Variants in HCLS1 observed in about 807,000 individuals in gnomAD.
HCLS1 encodes the protein hematopoietic cell-specific Lyn substrate 1, also known as hematopoietic lineage cell-specific protein.
A neutral mutation model predicts 68.6 loss-of-function variants in HCLS1; 44 were observed. The observed-to-expected ratio is 0.64, with a 90% CI of 0.50 to 0.82. The LOEUF (loss-of-function observed/expected upper bound fraction) is 0.82, where lower values mean the gene tolerates loss of function less well. Ranked by LOEUF, HCLS1 falls within the 40% of genes least tolerant of loss-of-function variation. The probability of loss-of-function intolerance (pLI) is 0.00; values close to 1 mark genes in which losing one functional copy is unlikely to be tolerated. For synonymous variants in HCLS1, 217 were observed against 225.8 expected (o/e 0.96, Z 0.35); for missense variants, 602 against 612.1 (o/e 0.98, Z 0.17).
intron 6 of HCLS1, among the ~76,000 whole-genome samples, chr3:121,642,224 C>A (rs1054348348): frequency 6.7e-6 from 1 of 150,004 alleles, no homozygotes; most frequent in East Asian, 2.0e-4. Flanking sequence ...CTTTGGGAGG[C>A]CGAGTCGGGT....
At chr3:121,641,850 G>A (rs1436714094) in intron 6 of HCLS1, among the ~76,000 whole-genome samples, 1 of 152,080 alleles carries the variant, frequency 6.6e-6, no homozygotes, top group Non-Finnish European at 1.5e-5. Context: ...GGGAAGCCGA[G>A]GCAGGCAGAT....
At position 121,642,820 on chromosome 3, in the gene HCLS1, T is replaced by C. The variant is rs2049213137; in HGVS notation, c.454+107A>G. On this transcript the variant is annotated intron_variant, in intron 6 of 13. Transcript: ENST00000314583. ...AAAAGTAAATAAAATAGTGGTGCGC[T>C]GGGTCATGGAAGTTAAAAAGCTGAT... is the stretch of plus-strand genomic sequence containing the variant. 6 of 863,970 alleles carry C rather than the reference T, an allele frequency of 6.9e-6. No individual in the cohort carries two copies. The Admixed American group carries it at 8.7e-5, about 13-fold the overall frequency. 53.5% of individuals were successfully genotyped at this position (863,970 alleles called of 1,614,324 possible).
intron 6 of HCLS1, among the ~76,000 whole-genome samples, chr3:121,640,588 G>A (rs1282489037): frequency 6.6e-6 from 1 of 151,678 alleles, no homozygotes; most frequent in Non-Finnish European, 1.5e-5. Context: ...AATGTCTTAT[G>A]GAAAATGAAT....
chr3:121,656,955 T>G (rs9859243), intron 3 of HCLS1: 53,269 of 235,008 alleles, frequency 0.23, 6,376 homozygotes, highest in East Asian at 0.34. Context: ...TAGTATTTGG[T>G]CCACTTCCTC....
intron 6 of HCLS1, among the ~76,000 whole-genome samples, chr3:121,642,111 T>C (rs1435713373): frequency 6.8e-6 from 1 of 146,722 alleles, no homozygotes; most frequent in African/African-American, 2.5e-5. Context: ...TGATCAATAT[T>C]ATAGAAAGCG....
chr3:121,636,617 A>G (rs2108858136), intron 7 of HCLS1, 128 bp from the exon 8 acceptor site: 1 of 742,686 alleles, frequency 1.3e-6, no homozygotes. Context: ...ATCAGAGGAT[A>G]GAGGGAGGCA....
intron 3 of HCLS1, among the ~76,000 whole-genome samples, chr3:121,649,070 G>C (rs1937682815): frequency 6.6e-6 from 1 of 152,122 alleles, no homozygotes; most frequent in Non-Finnish European, 1.5e-5. Flanking sequence ...GTTAAAACAA[G>C]TTTTTAAAAG....
intron 6 of HCLS1, among the ~76,000 whole-genome samples, chr3:121,640,642 A>C (rs2049188278): frequency 6.6e-6 from 1 of 151,626 alleles, no homozygotes; most frequent in African/African-American, 2.4e-5. Context: ...AGAAATGAAA[A>C]TATCTGATGT....
intron 4 of HCLS1, among the ~76,000 whole-genome samples, chr3:121,647,043 A>G (rs922144385): frequency 2.0e-5 from 3 of 146,876 alleles, no homozygotes; most frequent in Non-Finnish European, 3.0e-5. Flanking sequence ...GTGCAGTGGC[A>G]TGATCTCGGC....
Position 121,632,533 on chromosome 3 carries a change from T to C in HCLS1, c.1039A>G (p.Arg347Gly), listed in dbSNP as rs761328084. The change falls in exon 12 of 14, where the codon AGG (arginine) becomes GGG (glycine). Residue 347 changes from arginine (R) to glycine (G), a missense_variant. Transcript: ENST00000314583. ...TCCACCTGGAGGCCTTCCAGAGTCC[T>C]AGGGGGCAGAGCTGGGGGCTCCTCA... ...DNEEPPALPPRTLEGLQVEEE... is the reference protein window; with the variant it reads ...DNEEPPALPPGTLEGLQVEEE... 2.5e-6 allele frequency: 4 copies of C among 1,613,206 alleles called. No homozygotes were observed. The highest frequency in any genetic ancestry group is 3.4e-6 in the Non-Finnish European group (4 of 1,179,982).
intron 4 of HCLS1, among the ~76,000 whole-genome samples, chr3:121,645,901 T>G (rs2049241938): frequency 7.0e-6 from 1 of 143,540 alleles, no homozygotes; most frequent in African/African-American, 2.5e-5. Flanking sequence ...ATAAATATGT[T>G]ATATCATATA....
intron 3 of HCLS1, among the ~76,000 whole-genome samples, chr3:121,650,776 A>T (rs1273163773): frequency 6.6e-6 from 1 of 152,050 alleles, no homozygotes. Context: ...AGCCCCATAA[A>T]TTTTTTTTCA....
At chr3:121,640,334 T>C (rs994520133) in intron 6 of HCLS1, among the ~76,000 whole-genome samples, 1 of 152,152 alleles carries the variant, frequency 6.6e-6, no homozygotes, top group Non-Finnish European at 1.5e-5. Flanking sequence ...ATGAGGTACT[T>C]ACTAAACCCA....
intron 6 of HCLS1, among the ~76,000 whole-genome samples, chr3:121,637,586 C>G (rs1403256911): frequency 6.6e-6 from 1 of 152,102 alleles, no homozygotes; most frequent in Admixed American, 6.6e-5. Context: ...TGCCTTTCCC[C>G]TACTCCCATA....
chr3:121,633,949 T>C (rs1434830792), intron 10 of HCLS1, among the ~76,000 whole-genome samples: 1 of 152,220 alleles, frequency 6.6e-6, no homozygotes, highest in African/African-American at 2.4e-5. Flanking sequence ...CCCTTCCTCA[T>C]AGTTCCTACA....
At chr3:121,634,149 T>C in intron 10 of HCLS1, 58 bp downstream of exon 10, 2 of 1,610,314 alleles carry the variant, frequency 1.2e-6, no homozygotes, top group Non-Finnish European at 8.5e-7. Flanking sequence ...TTGGACCCCT[T>C]AGGCTCCTGT....
chr3:121,637,123 T>C (rs1029833699), intron 7 of HCLS1, 23 bp downstream of exon 7: 4 of 1,494,276 alleles, frequency 2.7e-6, no homozygotes, highest in South Asian at 1.1e-5. Context: ...TCTGTGACCT[T>C]CCCCCTTCCA....
intron 6 of HCLS1, among the ~76,000 whole-genome samples, chr3:121,638,923 G>A (rs1037957537): frequency 2.0e-5 from 3 of 152,160 alleles, no homozygotes; most frequent in African/African-American, 4.8e-5. Flanking sequence ...GTGAATGCCT[G>A]TAGTCCCAGC....
intron 10 of HCLS1, 47 bp from the exon 11 acceptor site, chr3:121,633,218 CT>C (rs2049117433): frequency 8.0e-7 from 1 of 1,253,094 alleles, no homozygotes; most frequent in Admixed American, 2.4e-5. Context: ...TCCATCTTCA[CT>C]CCTTTTTTTT....
Sources: gnomAD v4.1 joint callset for allele counts (sites outside exome capture counted in the v4.1 genomes callset) on GRCh38, gnomAD v4.1.1 for gene constraint, MANE v1.5 for transcripts, NCBI Gene and HGNC (gene_info 2026-07-23, HGNC 2026-07-21) for gene names.